Variants in PARN observed in about 807,000 individuals in gnomAD.
PARN encodes poly(A)-specific ribonuclease PARN.
In PARN, 71 loss-of-function variants were observed where a neutral mutation model predicts 102.8. That is an observed-to-expected ratio of 0.69 (90% CI 0.57 to 0.84). PARN has a LOEUF of 0.84. Among genes scored for constraint, PARN ranks in the 40% least tolerant of loss-of-function variants. The pLI, the probability that PARN is intolerant of heterozygous loss-of-function variation, is 0.00. For synonymous variants in PARN, 261 were observed against 252.9 expected, an observed-to-expected ratio of 1.03 and a Z score of -0.30; for missense variants, 782 against 760.9, an observed-to-expected ratio of 1.03 and a Z score of -0.33.
intron 21 of PARN, among the ~76,000 whole-genome samples, chr16:14,517,089 T>C (rs1965497216): frequency 6.6e-6 from 1 of 152,190 alleles, no homozygotes; most frequent in Admixed American, 6.5e-5. Flanking sequence ...ACTGAAGTAC[T>C]GTATAACGTT....
At chr16:14,528,314 A>T (rs1966120140) in intron 21 of PARN, among the ~76,000 whole-genome samples, 1 of 152,236 alleles carries the variant, frequency 6.6e-6, no homozygotes, top group Non-Finnish European at 1.5e-5. Flanking sequence ...GACTGCACTG[A>T]TAAGAGATTA....
At chr16:14,591,130 C>A (rs1447594890) in intron 13 of PARN, among the ~76,000 whole-genome samples, 1 of 152,080 alleles carries the variant, frequency 6.6e-6, no homozygotes, top group Non-Finnish European at 1.5e-5. Context: ...GTGGCTCACA[C>A]CTGTAATCCC....
chr16:14,587,487 C>T (rs1444116656), intron 13 of PARN, among the ~76,000 whole-genome samples: 3 of 152,126 alleles, frequency 2.0e-5, no homozygotes, highest in Non-Finnish European at 4.4e-5. Context: ...AATTTTGATA[C>T]CAGTGCATGT....
intron 18 of PARN, among the ~76,000 whole-genome samples, chr16:14,558,974 T>G (rs1474919118): frequency 6.6e-6 from 1 of 152,120 alleles, no homozygotes; most frequent in Non-Finnish European, 1.5e-5. Flanking sequence ...CCATCTGAAT[T>G]AATCTTTCGT....
At chr16:14,624,412 A>G (rs909028121) in intron 5 of PARN, among the ~76,000 whole-genome samples, 7 of 152,206 alleles carry the variant, frequency 4.6e-5, no homozygotes, top group Non-Finnish European at 1.0e-4. Flanking sequence ...TTTCCACACT[A>G]GAGAATCCCG....
At chr16:14,512,808 AT>A (rs1393931600) in intron 21 of PARN, among the ~76,000 whole-genome samples, 5 of 152,216 alleles carry the variant, frequency 3.3e-5, no homozygotes, top group Admixed American at 6.5e-5. Context: ...TTCAGGTAAA[AT>A]CAGCAATAAA....
At chr16:14,470,037 CAT>C (rs762279344) in intron 22 of PARN, among the ~76,000 whole-genome samples, 1 of 152,018 alleles carries the variant, frequency 6.6e-6, no homozygotes. Context: ...TTGTTAGAAA[CAT>C]AGATGATAAT....
chr16:14,436,564 T>C lies in PARN; in HGVS notation c.*153A>G. 1.6e-6 allele frequency: 1 copy of C among 619,330 alleles called. No individual in the cohort carries two copies. Among genetic ancestry groups the C allele is most frequent in the South Asian group, 2.0e-5 (1 of 50,576 alleles). 38.4% of individuals were successfully genotyped at this position (619,330 alleles called of 1,614,324 possible). A position where few individuals can be genotyped will look rare whatever the true frequency, so the allele number is the denominator to read the frequency against. ...GGGGAAAAAACCACAGCCACAAAAA[T>C]AAAACCTGTTTTCTCCCCCCCAGGA... On this transcript the variant is annotated 3_prime_UTR_variant, in exon 24 of 24. Transcript: ENST00000437198.
intron 21 of PARN, among the ~76,000 whole-genome samples, chr16:14,488,184 TG>T (rs924883361): frequency 2.0e-5 from 3 of 151,748 alleles, no homozygotes; most frequent in Admixed American, 1.3e-4. Flanking sequence ...TGTTTATCCA[TG>T]GGGGGGAAAA....
At chr16:14,535,076 C>T (rs868582825) in intron 21 of PARN, among the ~76,000 whole-genome samples, 14 of 152,138 alleles carry the variant, frequency 9.2e-5, no homozygotes, top group Middle Eastern at 3.2e-3. Context: ...TCAGGTGATC[C>T]GCTCGCCTCG....
chr16:14,567,923 T>C (rs1482542507), intron 18 of PARN, among the ~76,000 whole-genome samples: 1 of 152,230 alleles, frequency 6.6e-6, no homozygotes, highest in Non-Finnish European at 1.5e-5. Context: ...GCAAAGACAG[T>C]TATAAAGTGT....
At chr16:14,590,464 G>A (rs530009186) in intron 13 of PARN, among the ~76,000 whole-genome samples, 29 of 151,180 alleles carry the variant, frequency 1.9e-4, no homozygotes, top group African/African-American at 6.6e-4. Flanking sequence ...GTGAAATCCC[G>A]TCTCTACTAA....
At chr16:14,571,146 G>A (rs1482773899) in intron 18 of PARN, among the ~76,000 whole-genome samples, 1 of 152,132 alleles carries the variant, frequency 6.6e-6, no homozygotes, top group Non-Finnish European at 1.5e-5. Context: ...CACTTTGGGA[G>A]GCTAGGGTGG....
intron 18 of PARN, among the ~76,000 whole-genome samples, chr16:14,563,977 C>T (rs1287195839): frequency 6.6e-6 from 1 of 152,116 alleles, no homozygotes; most frequent in Non-Finnish European, 1.5e-5. Flanking sequence ...TGGAAGTTAT[C>T]GGTCCCCCTG....
At chr16:14,508,924 C>G (rs900802779) in intron 21 of PARN, among the ~76,000 whole-genome samples, 2 of 149,530 alleles carry the variant, frequency 1.3e-5, no homozygotes, top group Non-Finnish European at 3.0e-5. Context: ...ATATATAATT[C>G]AAAGTAAGTG....
chr16:14,541,163 T>C (rs1017335516), intron 21 of PARN, among the ~76,000 whole-genome samples: 1 of 150,420 alleles, frequency 6.6e-6, no homozygotes, highest in Admixed American at 6.7e-5. Flanking sequence ...GAATGCTACA[T>C]GCAGGGTATG....
At chr16:14,554,312 C>T (rs1364525715) in intron 19 of PARN, among the ~76,000 whole-genome samples, 161 bp from the exon 20 acceptor site, 1 of 152,206 alleles carries the variant, frequency 6.6e-6, no homozygotes, top group Non-Finnish European at 1.5e-5. Flanking sequence ...TGGTGGGATT[C>T]TGCCATGGTA....
chr16:14,625,630 G>A (rs1972599381), intron 5 of PARN, among the ~76,000 whole-genome samples: 1 of 152,228 alleles, frequency 6.6e-6, no homozygotes, highest in Non-Finnish European at 1.5e-5. Context: ...TTAGGAAACT[G>A]TCTATAAGAC....
chr16:14,486,526 C>T (rs1265552669), intron 21 of PARN, among the ~76,000 whole-genome samples: 1 of 152,184 alleles, frequency 6.6e-6, no homozygotes, highest in African/African-American at 2.4e-5. Context: ...ATTCAGCTCC[C>T]AGCTGATAGA....
Sources: allele counts gnomAD v4.1 joint callset (sites outside exome capture counted in the v4.1 genomes callset), GRCh38; gene constraint gnomAD v4.1.1; transcripts MANE v1.5; gene names NCBI Gene and HGNC (gene_info 2026-07-23, HGNC 2026-07-21).